TPGS2: variants seen among roughly 807,000 people sequenced by gnomAD.
TPGS2 encodes the protein tubulin polyglutamylase complex subunit 2, also known as polyglutamylase subunit 2.
In TPGS2, 26 loss-of-function variants were observed where a neutral mutation model predicts 31.1. The ratio of observed to expected loss-of-function variants is 0.84; its 90% CI spans 0.61 to 1.16. TPGS2 has a LOEUF of 1.16. TPGS2 is among the 50% of genes most tolerant of loss of function. TPGS2 has a pLI of 0.00. For missense variants in TPGS2, 351 were observed against 363.8 expected (o/e 0.96, Z 0.29); for synonymous variants, 130 against 136.6 (o/e 0.95, Z 0.34).
chr18:36,780,633 CTAGGCTA>C (rs1255847195), downstream of TPGS2, among the ~76,000 whole-genome samples: 2 of 152,228 alleles, frequency 1.3e-5, no homozygotes, highest in African/African-American at 4.8e-5. Flanking sequence ...TATTATGTAC[CTAGGCTA>C]TATGATACAG....
intron 1 of TPGS2, among the ~76,000 whole-genome samples, chr18:36,824,310 G>A (rs2046037459): frequency 6.6e-6 from 1 of 152,166 alleles, no homozygotes; most frequent in African/African-American, 2.4e-5. Context: ...TATGAATAAT[G>A]CAGCTATGAA....
chr18:36,794,207 AC>A lies in TPGS2; in HGVS notation c.*2597del. The stretch of plus-strand genomic sequence containing the variant: ...AAAGACACTATGGAAGAAAGGAAAA[AC>A]ATTACATTTTAGTACCTGTAAAGGT... On this transcript the variant is annotated 3_prime_UTR_variant, in exon 7 of 7. Coordinates refer to ENST00000334295, the MANE Select transcript of TPGS2 (RefSeq NM_015476.4). 1 of 907,800 alleles carries A rather than the reference AC, an allele frequency of 1.1e-6. No individual in the cohort carries two copies. Among genetic ancestry groups the A allele is most frequent in the Non-Finnish European group, 1.3e-6 (1 of 759,286 alleles). The allele number at this position is 907,800 out of a possible 1,614,324, so 56.2% of individuals were successfully genotyped here.
Position 36,796,622 on chromosome 18 carries a change from A to G in TPGS2, c.*183T>C, listed in dbSNP as rs2044537667. 1 of 1,369,078 alleles carries G rather than the reference A, an allele frequency of 7.3e-7. No individual in the cohort carries two copies. Among genetic ancestry groups the G allele is most frequent in the Non-Finnish European group, 9.4e-7 (1 of 1,067,538 alleles). The allele number at this position is 1,369,078 out of a possible 1,614,324, so 84.8% of individuals were successfully genotyped here. A position where few individuals can be genotyped will look rare whatever the true frequency, so the allele number is the denominator to read the frequency against. On this transcript the variant is annotated 3_prime_UTR_variant, in exon 7 of 7. Coordinates refer to ENST00000334295, the MANE Select transcript of TPGS2 (RefSeq NM_015476.4). ...GCTTCCAGAGGCAGGGGACAGCACA[A>G]CCTGCTCTGGAGGCCTCACTACGAG...
At chr18:36,780,114 C>T (rs1283726501), downstream of TPGS2, 35 of 1,231,908 alleles carry the variant, frequency 2.8e-5, 1 homozygote, top group South Asian at 1.3e-3. Flanking sequence ...ACAGGCTCGC[C>T]TCTTCAGAAT....
intron 2 of TPGS2, chr18:36,818,495 A>C (rs1267138054): frequency 6.4e-6 from 1 of 155,940 alleles, no homozygotes; most frequent in African/African-American, 2.4e-5. Context: ...ACTTTTATTG[A>C]ATAAACGAAT....
At chr18:36,821,141 T>G (rs980543801) in intron 1 of TPGS2, 13 of 152,130 alleles carry the variant, frequency 8.5e-5, no homozygotes, top group African/African-American at 3.1e-4. Context: ...TATAAAATAT[T>G]GTGAAAAAAT....
Position 36,796,509 on chromosome 18 carries a change from G to A in TPGS2, c.*296C>T. The A allele has an allele frequency of 8.3e-7, 1 of 1,199,074 alleles. No individual in the cohort carries two copies. Among genetic ancestry groups the A allele is most frequent in the Non-Finnish European group, 1.0e-6 (1 of 966,632 alleles). The allele number at this position is 1,199,074 out of a possible 1,614,324, so 74.3% of individuals were successfully genotyped here. ...TTTGGGGGACCTCTCTAATCAATCA[G>A]TGCTAAGGGATTGAGGGTTGAGTGT... is the stretch of plus-strand genomic sequence containing the variant. On this transcript the variant is annotated 3_prime_UTR_variant, in exon 7 of 7. Coordinates refer to ENST00000334295, the MANE Select transcript of TPGS2 (RefSeq NM_015476.4).
chr18:36,825,099 T>G (rs1720646449), intron 1 of TPGS2, among the ~76,000 whole-genome samples: 2 of 152,202 alleles, frequency 1.3e-5, no homozygotes. Context: ...GTTGAAAAAC[T>G]ATTTTTTCCC....
At chr18:36,819,165 G>A (rs968419647) in intron 1 of TPGS2, among the ~76,000 whole-genome samples, 192 bp from the exon 2 acceptor site, 3 of 152,178 alleles carry the variant, frequency 2.0e-5, no homozygotes, top group Admixed American at 6.5e-5. Flanking sequence ...CTAGGACAAT[G>A]TAGTCTACCT....
chr18:36,780,185 T>C, downstream of TPGS2: 2 of 1,231,848 alleles, frequency 1.6e-6, no homozygotes, highest in Non-Finnish European at 2.0e-6. Context: ...TCAGATCCTT[T>C]GGGCTGTATT....
rs749996843 is a variant in TPGS2, at chr18:36,798,419, A to C, written c.657+30T>G. The C allele has an allele frequency of 1.9e-6, 3 of 1,613,900 alleles. No homozygotes were observed. The South Asian group carries it at 3.3e-5, about 18-fold the overall frequency. The stretch of plus-strand genomic sequence containing the variant: ...CTCAGTAGATTTTGGAATATACCAT[A>C]GTTTACAATGGCAGGTGTTCCTCCC... On this transcript the variant is annotated intron_variant, in intron 6 of 6. Transcript: ENST00000334295.
At chr18:36,802,718 C>T (rs1032847365) in intron 4 of TPGS2, among the ~76,000 whole-genome samples, 1 of 152,076 alleles carries the variant, frequency 6.6e-6, no homozygotes, top group Non-Finnish European at 1.5e-5. Context: ...ACCTCTGCCT[C>T]CTGGGTTCAA....
At position 36,828,740 on chromosome 18, in the gene TPGS2, G is replaced by A. The variant is rs2046323107; in HGVS notation, c.28C>T (p.Leu10=). The change falls in exon 1 of 7, where the codon CTG becomes TTG. Residue 10 remains leucine, a synonymous_variant. Transcript: ENST00000334295. ...TCCAGGTGCGGCTTGCTGCAGCCCAGCCCCGGGGACGATGCCTCCTCCTCC... is the reference window on the plus strand; with the variant it reads ...TCCAGGTGCGGCTTGCTGCAGCCCAACCCCGGGGACGATGCCTCCTCCTCC... MEEEASSPG[L]GCSKPHLEKL... 6.2e-7 allele frequency: 1 copy of A among 1,613,894 alleles called. No individual in the cohort carries two copies. The highest frequency in any genetic ancestry group is 1.7e-5 in the Admixed American group (1 of 60,004).
chr18:36,811,903 C>T (rs1333168264), intron 2 of TPGS2, among the ~76,000 whole-genome samples: 5 of 152,182 alleles, frequency 3.3e-5, no homozygotes, highest in Non-Finnish European at 7.3e-5. Flanking sequence ...CTTCCTTTTT[C>T]TCCTTGGCAG....
chr18:36,827,962 T>C (rs887586123), intron 1 of TPGS2, among the ~76,000 whole-genome samples: 2 of 152,134 alleles, frequency 1.3e-5, no homozygotes, highest in Non-Finnish European at 2.9e-5. Context: ...ATTCCAGCAC[T>C]TTGGGAGGTC....
At chr18:36,809,796 T>A (rs2045334546) in intron 2 of TPGS2, among the ~76,000 whole-genome samples, 1 of 152,152 alleles carries the variant, frequency 6.6e-6, no homozygotes, top group South Asian at 2.1e-4. Context: ...CTATCCGCCT[T>A]TCTTAATGGG....
At chr18:36,789,601 C>T (rs1301092332), downstream of TPGS2, 1 of 152,164 alleles carries the variant, frequency 6.6e-6, no homozygotes, top group Non-Finnish European at 1.5e-5. Context: ...ACTGCAGTTT[C>T]CTCCATCAAG....
intron 1 of TPGS2, 92 bp downstream of exon 1, chr18:36,828,591 G>A (rs966207330): frequency 2.9e-6 from 4 of 1,393,936 alleles, no homozygotes; most frequent in Admixed American, 1.8e-5. Flanking sequence ...CTGTTCTGGG[G>A]CCAGCGTCGC....
rs1042288390 is a variant in TPGS2, at chr18:36,825,451, A to C, written c.85+3232T>G. On this transcript the variant is annotated intron_variant, in intron 1 of 6. Coordinates refer to ENST00000334295, the MANE Select transcript of TPGS2 (RefSeq NM_015476.4). ...CGTCTCCAAAAAAAAAAAAAAAAAA[A>C]AAATCAATGAATCATAAATATGATG... Among the ~76,000 whole-genome samples the C allele has an allele frequency of 2.1e-3, 326 of 152,084 alleles. 3 individuals are homozygous for C. The highest frequency in any genetic ancestry group is 0.015 in the Admixed American group (225 of 15,250).
Sources: gnomAD v4.1 joint callset for allele counts (sites outside exome capture counted in the v4.1 genomes callset) on GRCh38, gnomAD v4.1.1 for gene constraint, MANE v1.5 for transcripts, NCBI Gene and HGNC (gene_info 2026-07-23, HGNC 2026-07-21) for gene names.